MAP3K11: variants seen among roughly 807,000 people sequenced by gnomAD.
MAP3K11 encodes the protein mitogen-activated protein kinase kinase kinase 11.
MAP3K11 carries 46 observed loss-of-function variants against 84.9 expected under a neutral mutation model. The ratio of observed to expected loss-of-function variants is 0.54; its 90% CI spans 0.43 to 0.69. The LOEUF (loss-of-function observed/expected upper bound fraction) is 0.69. Ranked by LOEUF, MAP3K11 falls within the 30% of genes least tolerant of loss-of-function variation. MAP3K11 has a pLI of 0.00. For synonymous variants in MAP3K11, 527 were observed against 514.7 expected, an observed-to-expected ratio of 1.02 and a Z score of -0.32; for missense variants, 1,053 against 1,198.3, an observed-to-expected ratio of 0.88 and a Z score of 1.79.
chr11:65,613,137 C>T lies in MAP3K11; in HGVS notation c.620G>A (p.Gly207Glu). Residue 207 changes from glycine (G) to glutamate (E), a missense_variant, in exon 1 of 10, where the codon GGG (glycine) becomes GAG (glutamate). By Grantham distance (98) the Gly-to-Glu change is moderately conservative. This residue lies in a region of MAP3K11 where 310 missense variants were observed against 464.5 expected (regional missense o/e 0.67). Transcript: ENST00000309100. ...CAGCACATGGGGAGGCACGCGCCGC[C>T]CGGCCAGAGCTCGGCTGAGGGGCCC... ...AGGPLSRALA[G>E]RRVPPHVLVN... is the part of the protein sequence containing the mutation. 2.5e-6 allele frequency: 4 copies of T among 1,590,052 alleles called. No homozygotes were observed. Among genetic ancestry groups the T allele is most frequent in the Non-Finnish European group, 3.4e-6 (4 of 1,167,776 alleles).
rs1305309214 is a variant in MAP3K11, at chr11:65,605,826, G to A, written c.1766C>T (p.Thr589Ile). The change falls in exon 8 of 10, where the codon ACA (threonine) becomes ATA (isoleucine). Residue 589 changes from threonine to isoleucine, a missense_variant. Around this residue, in one of 3 missense-constraint regions of MAP3K11, gnomAD observed 583 missense variants for 566.6 expected, o/e 1.03. Coordinates refer to ENST00000309100, the MANE Select transcript of MAP3K11 (RefSeq NM_002419.4). ...GRRRSRMDEA[T>I]WYLDSDDSSP... Reference sequence around the variant, plus strand: ...TGAGTCATCTGAATCCAGGTACCATGTGGCTTCGTCCATGCGGGACCTTCT... The same window carrying A: ...TGAGTCATCTGAATCCAGGTACCATATGGCTTCGTCCATGCGGGACCTTCT... The A allele has an allele frequency of 1.2e-6, 2 of 1,613,156 alleles. No individual in the cohort carries two copies. The highest frequency in any genetic ancestry group is 2.2e-5 in the East Asian group (1 of 44,804).
At position 65,606,765 on chromosome 11, in the gene MAP3K11, A is replaced by T. The variant is rs762853042; in HGVS notation, c.1529T>A (p.Leu510His). Residue 510 changes from leucine to histidine, a missense_variant, in exon 6 of 10, where the codon CTT becomes CAT. Around this residue, in one of 3 missense-constraint regions of MAP3K11, gnomAD observed 583 missense variants for 566.6 expected, o/e 1.03. Transcript: ENST00000309100. ...HRITVQASPG[L>H]DRRRNVFEVG... ...CTCGAAGACGTTTCTCCTCCGGTCA[A>T]GGCCGGGTGAGGCCTGCACGGTGAT... 6.2e-7 allele frequency: 1 copy of T among 1,607,484 alleles called. No individual in the cohort carries two copies.
chr11:65,605,081 G>C (rs1854492912), intron 8 of MAP3K11, among the ~76,000 whole-genome samples: 1 of 152,190 alleles, frequency 6.6e-6, no homozygotes, highest in Non-Finnish European at 1.5e-5. Context: ...CAAATCCTCA[G>C]CTGGGGGTTT....
At chr11:65,607,853 G>A (rs781004018) in intron 3 of MAP3K11, 37 bp from the exon 4 acceptor site, 138 of 1,606,008 alleles carry the variant, frequency 8.6e-5, no homozygotes, top group Non-Finnish European at 1.1e-4. Context: ...AGAATAAGAA[G>A]GGGTCCGTGG....
intron 9 of MAP3K11, 32 bp downstream of exon 9, chr11:65,599,362 T>A (rs777793376): frequency 2.0e-6 from 3 of 1,527,696 alleles, no homozygotes; most frequent in Non-Finnish European, 2.6e-6. Context: ...CCGTCTCCCA[T>A]ATGTGAAGCA....
rs771234612 is a variant in MAP3K11, at chr11:65,613,740, C to T, written c.17G>A (p.Ser6Asn). 1 of 1,567,018 alleles carries T rather than the reference C, an allele frequency of 6.4e-7. No individual in the cohort carries two copies. The highest frequency in any genetic ancestry group is 8.6e-7 in the Non-Finnish European group (1 of 1,157,094). MEPLK[S>N]LFLKSPLGSW... ...CCCTAGAGGGCTCTTGAGGAAGAGG[C>T]TCTTCAAGGGCTCCATGGCCGGGAG... is the stretch of plus-strand genomic sequence containing the variant. The change falls in exon 1 of 10, where the codon AGC (serine) becomes AAC (asparagine). Residue 6 changes from serine (S) to asparagine (N), a missense_variant. Physicochemically the swap from Ser to Asn is conservative, Grantham distance 46. This residue lies in a region of MAP3K11 where 160 missense variants were observed against 167.3 expected (regional missense o/e 0.96). Coordinates refer to ENST00000309100, the MANE Select transcript of MAP3K11 (RefSeq NM_002419.4).
At chr11:65,609,201 G>T (rs1020115087) in intron 1 of MAP3K11, 4 of 152,158 alleles carry the variant, frequency 2.6e-5, no homozygotes, top group African/African-American at 9.7e-5. Context: ...GCAGGAGCGT[G>T]AATCAGAACC....
rs1376468437 is a variant in MAP3K11 at position 65,598,365 on chromosome 11, C to A, written c.2470G>T (p.Gly824Cys). Residue 824 changes from glycine to cysteine, a missense_variant, in exon 10 of 10, where the codon GGC (glycine) becomes TGC (cysteine). By Grantham distance (159) the Gly-to-Cys change is radical. Transcript: ENST00000309100. ...GTCTGTGCCCTGCAGTCCTGGGGGCCCCCCTGGAAGGGGTTGGCAGGTGGG... is the reference window on the plus strand; with the variant it reads ...GTCTGTGCCCTGCAGTCCTGGGGGCACCCCTGGAAGGGGTTGGCAGGTGGG... ...DSPPANPFQG[G>C]PQDCRAQTKD... 6.5e-7 allele frequency: 1 copy of A among 1,541,034 alleles called. No individual in the cohort carries two copies. The highest frequency in any genetic ancestry group is 8.8e-7 in the Non-Finnish European group (1 of 1,141,846).
At chr11:65,608,742 C>T (rs764953350) in intron 1 of MAP3K11, 13 of 317,024 alleles carry the variant, frequency 4.1e-5, no homozygotes, top group Admixed American at 1.9e-4. Context: ...CCCAGCCTCC[C>T]GAGTAGTGGG....
At position 65,613,673 on chromosome 11, in the gene MAP3K11, T is replaced by TCCCCCC; in HGVS notation, c.83_84insGGGGGG (p.Gly29_Gly30dup). 1 of 1,449,386 alleles carries TCCCCCC rather than the reference T, an allele frequency of 6.9e-7. No individual in the cohort carries two copies. Among genetic ancestry groups the TCCCCCC allele is most frequent in the Non-Finnish European group, 9.7e-7 (1 of 1,032,718 alleles). 89.8% of individuals were successfully genotyped at this position (1,449,386 alleles called of 1,614,324 possible). A position where few individuals can be genotyped will look rare whatever the true frequency, so the allele number is the denominator to read the frequency against. On this transcript the variant is annotated inframe_insertion, in exon 1 of 10. Coordinates refer to ENST00000309100, the MANE Select transcript of MAP3K11 (RefSeq NM_002419.4). ...TTGGAGACCCCTCAGGCCGGCCTCC[T>TCCCCCC]CCACCGCCCCCACCACCCCCGCTGC...
chr11:65,607,501 G>T lies in MAP3K11; in HGVS notation c.1258C>A (p.Arg420Ser). ...LRAKEKELLSREEELTRAARE... is the reference protein window; with the variant it reads ...LRAKEKELLSSEEELTRAARE... ...GCCGCTCGCGTCAGCTCCTCCTCGC[G>T]GCTCAGTAGTTCCTGCGCCCGAGAC... Residue 420 changes from arginine (R) to serine (S), a missense_variant, in exon 5 of 10, where the codon CGC (arginine) becomes AGC (serine). This residue lies in a region of MAP3K11 where 310 missense variants were observed against 464.5 expected (regional missense o/e 0.67). Coordinates refer to ENST00000309100, the MANE Select transcript of MAP3K11 (RefSeq NM_002419.4). 6.4e-7 allele frequency: 1 copy of T among 1,573,262 alleles called. No homozygotes were observed.
At chr11:65,604,319 C>T (rs1306869816) in intron 8 of MAP3K11, among the ~76,000 whole-genome samples, 2 of 152,274 alleles carry the variant, frequency 1.3e-5, no homozygotes, top group Non-Finnish European at 2.9e-5. Flanking sequence ...TCAGCCTACA[C>T]ACCTGGGTTG....
intron 8 of MAP3K11, among the ~76,000 whole-genome samples, chr11:65,602,202 CA>C (rs34876918): frequency 0.61 from 54,905 of 90,130 alleles, 15,093 homozygotes; most frequent in Admixed American, 0.66. Context: ...GACTCCATCT[CA>C]AAAAAAAAAA....
intron 8 of MAP3K11, 137 bp from the exon 9 acceptor site, chr11:65,599,905 G>T (rs1051917000): frequency 2.2e-6 from 2 of 920,230 alleles, no homozygotes; most frequent in Non-Finnish European, 3.2e-6. Flanking sequence ...CAGGTCCCAT[G>T]GCCTCCCCAT....
At position 65,607,977 on chromosome 11, in the gene MAP3K11, C is replaced by G; in HGVS notation, c.1014G>C (p.Lys338Asn). ...AGGTGGATGGGATGGGCAGTGTGAG[C>G]TTGTTAACAGCTACGCCATAGGCCA... ...LAVAYGVAVNKLTLPIPSTCP... is the reference protein window; with the variant it reads ...LAVAYGVAVNNLTLPIPSTCP... Residue 338 changes from lysine to asparagine, a missense_variant, in exon 3 of 10, where the codon AAG (lysine) becomes AAC (asparagine). By Grantham distance (94) the Lys-to-Asn change is moderately conservative. Transcript: ENST00000309100. The G allele has an allele frequency of 6.2e-7, 1 of 1,614,232 alleles. No homozygotes were observed. The highest frequency in any genetic ancestry group is 8.5e-7 in the Non-Finnish European group (1 of 1,180,038).
At chr11:65,606,972 G>A in intron 5 of MAP3K11, 168 bp from the exon 6 acceptor site, 1 of 584,744 alleles carries the variant, frequency 1.7e-6, no homozygotes. Flanking sequence ...GTCTGGATAA[G>A]GAAAGCTACT....
chr11:65,600,825 T>G (rs943041369), intron 8 of MAP3K11, among the ~76,000 whole-genome samples: 7 of 152,006 alleles, frequency 4.6e-5, no homozygotes, highest in Non-Finnish European at 7.4e-5. Context: ...CTGCCTGGAG[T>G]GCAGCAGCAG....
At chr11:65,599,076 C>T (rs774035099) in intron 9 of MAP3K11, among the ~76,000 whole-genome samples, 1 of 152,144 alleles carries the variant, frequency 6.6e-6, no homozygotes, top group Non-Finnish European at 1.5e-5. Flanking sequence ...TCATGATCAC[C>T]GCTCACTGCA....
In MAP3K11 at chr11:65,607,640, C is replaced by T; in HGVS notation, c.1245+1G>A. On this transcript the variant is annotated splice_donor_variant, in intron 4 of 9. Coordinates refer to ENST00000309100, the MANE Select transcript of MAP3K11 (RefSeq NM_002419.4). LOFTEE classifies it high-confidence loss of function. ...ACGCTGGGTCCCTTGATTCCTCGCA[C>T]CTTTTCCTTGGCTCGCAGCTCGTCG... The T allele has an allele frequency of 6.2e-7, 1 of 1,604,798 alleles. No individual in the cohort carries two copies. The highest frequency in any genetic ancestry group is 8.5e-7 in the Non-Finnish European group (1 of 1,173,692).
Sources: allele counts gnomAD v4.1 joint callset (sites outside exome capture counted in the v4.1 genomes callset), GRCh38; gene constraint gnomAD v4.1.1; regional missense constraint gnomAD v4.1.1; transcripts MANE v1.5; gene names NCBI Gene and HGNC (gene_info 2026-07-23, HGNC 2026-07-21).